The following PDS5A variants were observed in gnomAD, a reference collection of about 807,000 sequenced individuals.
PDS5A encodes PDS5 cohesin associated factor A.
Under a neutral mutation model 167.1 loss-of-function variants are expected in PDS5A, and 42 were observed. The observed-to-expected ratio is 0.25, with a 90% confidence interval of 0.20 to 0.33. The LOEUF is 0.33. Among genes scored for constraint, PDS5A ranks in the 10% least tolerant of loss-of-function variants. The pLI, the probability that PDS5A is intolerant of heterozygous loss-of-function variation, is 1.00. For synonymous variants in PDS5A, 553 were observed against 554.6 expected (o/e 1.00, Z 0.04); for missense variants, 1,033 against 1,605.9 (o/e 0.64, Z 6.10).
chr4:39,825,518 G>A, intron 32 of PDS5A, 30 bp from the exon 33 acceptor site: 2 of 1,535,462 alleles, frequency 1.3e-6, no homozygotes, highest in South Asian at 1.2e-5. Flanking sequence ...CGCAAAGTTA[G>A]AAAAGATGTG....
intron 7 of PDS5A, among the ~76,000 whole-genome samples, chr4:39,918,289 C>G (rs1724589345): frequency 6.7e-6 from 1 of 149,748 alleles, no homozygotes; most frequent in Admixed American, 6.7e-5. Context: ...TTTTAATACT[C>G]AGAGAAAGTC....
rs745614615 is a variant in PDS5A at position 39,863,062 on chromosome 4, G to A, written c.2778C>T (p.Tyr926=). The A allele has an allele frequency of 3.0e-5, 49 of 1,612,632 alleles. No homozygotes were observed. The highest frequency in any genetic ancestry group is 4.0e-5 in the Non-Finnish European group (47 of 1,178,990). ...TCTGAGCAAATATCTGCCTTACTTG[G>A]TAACACTCATCCTACAGCAGCACAG... ...LCALVINDEC[Y]QVRQIFAQKL... The change falls in exon 25 of 33, where the codon TAC becomes TAT. Residue 926 remains tyrosine (Y), a synonymous_variant. Coordinates refer to ENST00000303538, the MANE Select transcript of PDS5A (RefSeq NM_001100399.2).
At chr4:39,899,762 T>C (rs1722716633) in intron 14 of PDS5A, among the ~76,000 whole-genome samples, 1 of 146,616 alleles carries the variant, frequency 6.8e-6, no homozygotes, top group Non-Finnish European at 1.5e-5. Context: ...GGTGGGAGGA[T>C]CACCTCAGCC....
intron 16 of PDS5A, 73 bp downstream of exon 16, chr4:39,898,315 TA>T (rs769722228): frequency 1.4e-6 from 2 of 1,446,940 alleles, no homozygotes; most frequent in East Asian, 2.6e-5. Context: ...TCACTGTATG[TA>T]AAACAGGCTT....
intron 17 of PDS5A, among the ~76,000 whole-genome samples, chr4:39,881,249 C>G (rs1029546276): frequency 3.3e-5 from 5 of 152,056 alleles, no homozygotes; most frequent in Admixed American, 2.6e-4. Context: ...GTCAATAATG[C>G]TGCAATAATA....
intron 18 of PDS5A, among the ~76,000 whole-genome samples, chr4:39,877,880 C>T (rs1022900852): frequency 6.6e-6 from 1 of 152,068 alleles, no homozygotes; most frequent in African/African-American, 2.4e-5. Flanking sequence ...CAGGCGTAAA[C>T]CATTGTACCC....
At chr4:39,841,096 C>T (rs934061088) in intron 31 of PDS5A, among the ~76,000 whole-genome samples, 6 of 152,198 alleles carry the variant, frequency 3.9e-5, no homozygotes, top group African/African-American at 1.4e-4. Context: ...AAGCAAAGGG[C>T]TGATCTCTGG....
intron 18 of PDS5A, among the ~76,000 whole-genome samples, chr4:39,878,181 T>C (rs1444412742): frequency 6.6e-6 from 1 of 152,226 alleles, no homozygotes; most frequent in Non-Finnish European, 1.5e-5. Flanking sequence ...TAAGCACTTA[T>C]TTAATGGTCA....
intron 26 of PDS5A, among the ~76,000 whole-genome samples, chr4:39,860,355 C>T (rs1346729388): frequency 6.6e-6 from 1 of 151,830 alleles, no homozygotes; most frequent in Admixed American, 6.6e-5. Context: ...GTGCTAACTC[C>T]TTGGGAGGCT....
At chr4:39,867,894 C>CA (rs1264411720) in intron 22 of PDS5A, among the ~76,000 whole-genome samples, 2 of 151,594 alleles carry the variant, frequency 1.3e-5, no homozygotes, top group South Asian at 2.1e-4. Context: ...ACATTGTGAC[C>CA]AAAAAAATGG....
chr4:39,889,400 T>G (rs538978872), intron 17 of PDS5A, among the ~76,000 whole-genome samples: 1 of 152,352 alleles, frequency 6.6e-6, no homozygotes, highest in Admixed American at 6.5e-5. Context: ...CCCTAGCAAA[T>G]GAATATAATC....
At chr4:39,928,219 T>G in intron 2 of PDS5A, 55 bp from the exon 3 acceptor site, 3 of 1,193,256 alleles carry the variant, frequency 2.5e-6, no homozygotes, top group Admixed American at 2.3e-5. Context: ...TAGAAATCAG[T>G]GGAGGATGTG....
chr4:39,882,409 A>G (rs1019352034), intron 17 of PDS5A, among the ~76,000 whole-genome samples: 2 of 152,166 alleles, frequency 1.3e-5, no homozygotes, highest in East Asian at 3.8e-4. Flanking sequence ...CCTATCCTAT[A>G]TGTTTTCTGG....
At chr4:39,945,908 GA>G (rs1306077346) in intron 2 of PDS5A, among the ~76,000 whole-genome samples, 3 of 151,580 alleles carry the variant, frequency 2.0e-5, no homozygotes, top group Non-Finnish European at 4.4e-5. Flanking sequence ...AGAGTTGAAA[GA>G]AAAAAAAGCA....
chr4:39,922,262 C>G (rs936960729), intron 6 of PDS5A, among the ~76,000 whole-genome samples: 2 of 152,176 alleles, frequency 1.3e-5, no homozygotes, highest in Non-Finnish European at 2.9e-5. Context: ...AAAAGAAATC[C>G]AAACTCCTAT....
intron 2 of PDS5A, among the ~76,000 whole-genome samples, chr4:39,953,552 G>A (rs951643196): frequency 4.0e-5 from 6 of 151,606 alleles, no homozygotes; most frequent in African/African-American, 1.5e-4. Context: ...AAAACATAGT[G>A]AGACCTTGTC....
intron 13 of PDS5A, among the ~76,000 whole-genome samples, chr4:39,901,080 T>C (rs1345608904): frequency 1.3e-5 from 2 of 152,156 alleles, no homozygotes; most frequent in Non-Finnish European, 2.9e-5. Context: ...CTCTCAGAAA[T>C]CCCATCCATA....
At position 39,862,352 on chromosome 4, in the gene PDS5A, T is replaced by A; in HGVS notation, c.2972-19A>T. 1 of 1,178,626 alleles carries A rather than the reference T, an allele frequency of 8.5e-7. No individual in the cohort carries two copies. The allele number at this position is 1,178,626 out of a possible 1,614,324, so 73.0% of individuals were successfully genotyped here. ...AATTTCTCTGAAGTAAAAACATTAT[T>A]AAAAACAACCTTTATAAAATGCCTT... On this transcript the variant is annotated intron_variant, in intron 25 of 32. Transcript: ENST00000303538.
At chr4:39,898,356 C>A in intron 16 of PDS5A, 33 bp downstream of exon 16, 1 of 1,505,580 alleles carries the variant, frequency 6.6e-7, no homozygotes, top group Middle Eastern at 1.7e-4. Flanking sequence ...GTAAGTAAAG[C>A]TAGAGAAAAA....
Sources: gnomAD v4.1 joint callset for allele counts (sites outside exome capture counted in the v4.1 genomes callset) on GRCh38, gnomAD v4.1.1 for gene constraint, MANE v1.5 for transcripts, NCBI Gene and HGNC (gene_info 2026-07-23, HGNC 2026-07-21) for gene names.